CACNA1I: variants seen among roughly 807,000 people sequenced by gnomAD.
CACNA1I encodes calcium voltage-gated channel subunit alpha1 I.
In CACNA1I, 74 loss-of-function variants were observed where a neutral mutation model predicts 201.6. The observed-to-expected ratio is 0.37, with a 90% CI of 0.30 to 0.45. CACNA1I has a LOEUF of 0.45. Ranked by LOEUF, CACNA1I falls within the 20% of genes least tolerant of loss-of-function variation. The pLI is 1.00. For synonymous variants in CACNA1I, 1,431 were observed against 1,345.2 expected (o/e 1.06, Z -1.40); for missense variants, 2,346 against 3,138.1 (o/e 0.75, Z 6.03).
chr22:39,620,595 C>T (rs980487890), intron 4 of CACNA1I, among the ~76,000 whole-genome samples: 2 of 152,128 alleles, frequency 1.3e-5, no homozygotes, highest in South Asian at 2.1e-4. Context: ...GGTTACCTGC[C>T]CAGGGACGCA....
At chr22:39,571,183 C>G in intron 1 of CACNA1I, 195 bp downstream of exon 1, 1 of 608,046 alleles carries the variant, frequency 1.6e-6, no homozygotes, top group Non-Finnish European at 2.9e-6. Flanking sequence ...ACCTGGTGTT[C>G]TGCTGATGTG....
At position 39,649,822 on chromosome 22, in the gene CACNA1I, G is replaced by A. The variant is rs1189335226; in HGVS notation, c.1889G>A (p.Arg630Gln). The change falls in exon 10 of 37, where the codon CGA becomes CAA. Residue 630 changes from arginine to glutamine, a missense_variant. Around this residue, in one of 13 missense-constraint regions of CACNA1I, gnomAD observed 312 missense variants for 331.5 expected, o/e 0.94. Coordinates refer to ENST00000402142, the MANE Select transcript of CACNA1I (RefSeq NM_021096.4). This position sits in a 1 kb window ranked among gnomAD's most constrained non-coding sequence, Gnocchi z 7.3. ...TGCGGGGATGTGTGGCGGGAGACGCGAGCCAAGCTGCGCGGCATCGTGGAC... is the reference window on the plus strand; with the variant it reads ...TGCGGGGATGTGTGGCGGGAGACGCAAGCCAAGCTGCGCGGCATCGTGGAC... ...WLCGDVWRET[R>Q]AKLRGIVDSK... 16 of 1,612,830 alleles carry A rather than the reference G, an allele frequency of 9.9e-6. No homozygotes were observed. The highest frequency in any genetic ancestry group is 5.3e-5 in the African/African-American group (4 of 74,914).
At chr22:39,598,386 C>T (rs973550477) in intron 2 of CACNA1I, 124 bp downstream of exon 2, 4 of 629,416 alleles carry the variant, frequency 6.4e-6, no homozygotes, top group South Asian at 3.6e-5. Context: ...TGCCCCGCCC[C>T]GCTCCGTGCC....
intron 29 of CACNA1I, among the ~76,000 whole-genome samples, chr22:39,674,268 G>A (rs1271524722): frequency 4.6e-5 from 7 of 152,318 alleles, no homozygotes; most frequent in African/African-American, 1.7e-4. Context: ...CCCTGTGCAC[G>A]CACTGAGGGT....
In CACNA1I at chr22:39,642,787, C is replaced by A. The variant is rs372816192; in HGVS notation, c.1057-10C>A. ...AGTCCTCTCGGCTCTCTCTCCTCTG[C>A]GCGCTGCAGGTGATCACTCTGGAAG... On this transcript the variant is annotated splice_polypyrimidine_tract_variant and intron_variant, in intron 6 of 36. Coordinates refer to ENST00000402142, the MANE Select transcript of CACNA1I (RefSeq NM_021096.4). The A allele has an allele frequency of 1.3e-6, 2 of 1,597,482 alleles. No individual in the cohort carries two copies. The highest frequency in any genetic ancestry group is 1.3e-5 in the African/African-American group (1 of 74,600).
At position 39,677,466 on chromosome 22, in the gene CACNA1I, G is replaced by T. The variant is rs1935548580; in HGVS notation, c.4933+47G>T. Reference sequence around the variant, plus strand: ...CCCGTGGTGGGGGTGCAGCAGGGCTGCAGGAGGAACTGGGGGGGCGGGGGA... The same window carrying T: ...CCCGTGGTGGGGGTGCAGCAGGGCTTCAGGAGGAACTGGGGGGGCGGGGGA... On this transcript the variant is annotated intron_variant, in intron 30 of 36. Transcript: ENST00000402142. This position sits in a 1 kb window ranked among gnomAD's most constrained non-coding sequence, Gnocchi z 4.8. 2.2e-6 allele frequency: 3 copies of T among 1,363,036 alleles called. No individual in the cohort carries two copies. Among genetic ancestry groups the T allele is most frequent in the Non-Finnish European group, 2.0e-6 (2 of 1,010,960 alleles). The allele number at this position is 1,363,036 out of a possible 1,614,324, so 84.4% of individuals were successfully genotyped here.
intron 1 of CACNA1I, among the ~76,000 whole-genome samples, chr22:39,594,257 G>A (rs958724762): frequency 4.6e-5 from 7 of 152,038 alleles, no homozygotes; most frequent in African/African-American, 1.7e-4. Flanking sequence ...AGGCAGCAGG[G>A]GCACCGGGCT....
intron 26 of CACNA1I, 24 bp from the exon 27 acceptor site, chr22:39,672,175 A>T: frequency 6.6e-7 from 1 of 1,505,208 alleles, no homozygotes; most frequent in African/African-American, 1.4e-5. Flanking sequence ...GCCCTGGATC[A>T]TGCTTCTCTT....
intron 8 of CACNA1I, among the ~76,000 whole-genome samples, 198 bp downstream of exon 8, chr22:39,647,079 G>T (rs1336920960): frequency 1.3e-5 from 2 of 152,264 alleles, no homozygotes; most frequent in Non-Finnish European, 2.9e-5. Context: ...CCTGCGCTGG[G>T]CCGGGCCTGG....
intron 4 of CACNA1I, among the ~76,000 whole-genome samples, chr22:39,620,897 A>G (rs538200203): frequency 2.0e-5 from 3 of 152,056 alleles, no homozygotes; most frequent in Non-Finnish European, 2.9e-5. Context: ...AGCTGGGACT[A>G]CAGGCATGTG....
chr22:39,574,179 G>A (rs1207517872), intron 1 of CACNA1I, among the ~76,000 whole-genome samples: 1 of 152,210 alleles, frequency 6.6e-6, no homozygotes, highest in Non-Finnish European at 1.5e-5. Context: ...AAGGCTCAGC[G>A]ACACTGAAAT....
chr22:39,574,971 G>T (rs1024543415), intron 1 of CACNA1I, among the ~76,000 whole-genome samples: 7 of 152,246 alleles, frequency 4.6e-5, no homozygotes, highest in African/African-American at 1.7e-4. Flanking sequence ...CCGGAGCTAG[G>T]CCCTGAGTCA....
intron 2 of CACNA1I, 133 bp from the exon 3 acceptor site, chr22:39,600,387 A>G: frequency 3.0e-6 from 2 of 676,222 alleles, no homozygotes; most frequent in South Asian, 3.7e-5. Context: ...CCTCCTGCCC[A>G]GGAGGAGTTT....
intron 1 of CACNA1I, among the ~76,000 whole-genome samples, chr22:39,580,455 C>T (rs1216705301): frequency 5.3e-5 from 8 of 152,100 alleles, no homozygotes; most frequent in East Asian, 3.9e-4. Context: ...TGGAGGTTTT[C>T]GTGTAAAGAG....
At chr22:39,647,228 TC>T (rs1240067906) in intron 8 of CACNA1I, among the ~76,000 whole-genome samples, 2 of 151,798 alleles carry the variant, frequency 1.3e-5, no homozygotes, top group African/African-American at 4.8e-5. Context: ...CTAAAATTCT[TC>T]CCCCCCACTG....
At chr22:39,580,463 G>C (rs1932511648) in intron 1 of CACNA1I, among the ~76,000 whole-genome samples, 1 of 152,210 alleles carries the variant, frequency 6.6e-6, no homozygotes, top group African/African-American at 2.4e-5. Flanking sequence ...TTCGTGTAAA[G>C]AGAACTGCAA....
rs77533263 is a variant in CACNA1I at position 39,687,085 on chromosome 22, C to G, written c.*680C>G. On this transcript the variant is annotated 3_prime_UTR_variant, in exon 37 of 37. Coordinates refer to ENST00000402142, the MANE Select transcript of CACNA1I (RefSeq NM_021096.4). Reference sequence around the variant, plus strand: ...CCAGAGCACACACATCCCCTTAGTCCACCGGTTAGATGTCTCTCTTTAGAA... The same window carrying G: ...CCAGAGCACACACATCCCCTTAGTCGACCGGTTAGATGTCTCTCTTTAGAA... 2 of 152,290 alleles carry G rather than the reference C, an allele frequency of 1.3e-5. No individual in the cohort carries two copies. The highest frequency in any genetic ancestry group is 4.8e-5 in the African/African-American group (2 of 41,534). 9.4% of individuals were successfully genotyped at this position (152,290 alleles called of 1,614,324 possible). A position where few individuals can be genotyped will look rare whatever the true frequency, so the allele number is the denominator to read the frequency against.
intron 19 of CACNA1I, 84 bp from the exon 20 acceptor site, chr22:39,664,007 C>G (rs1223759698): frequency 5.2e-6 from 8 of 1,536,238 alleles, no homozygotes; most frequent in Non-Finnish European, 1.8e-6. Context: ...CTCTCCTCTA[C>G]GAACCTTGGC....
At chr22:39,619,256 C>T (rs893001853) in intron 3 of CACNA1I, 54 bp from the exon 4 acceptor site, 19 of 1,412,004 alleles carry the variant, frequency 1.3e-5, no homozygotes, top group Non-Finnish European at 1.9e-5. Context: ...GGCCCGGGCC[C>T]TGGCCCCAGC....
Sources: allele counts gnomAD v4.1 joint callset (sites outside exome capture counted in the v4.1 genomes callset), GRCh38; gene constraint gnomAD v4.1.1; regional missense constraint gnomAD v4.1.1; non-coding constraint Gnocchi (gnomAD v3.1); transcripts MANE v1.5; gene names NCBI Gene and HGNC (gene_info 2026-07-23, HGNC 2026-07-21).